The following PRRG4 variants were observed in gnomAD, a reference collection of about 807,000 sequenced individuals.
PRRG4 encodes the protein transmembrane gamma-carboxyglutamic acid protein 4.
A neutral mutation model predicts 20.0 loss-of-function variants in PRRG4; 12 were observed. The ratio of observed to expected loss-of-function variants is 0.60; its 90% CI spans 0.38 to 0.97. The LOEUF (loss-of-function observed/expected upper bound fraction) is 0.97, where lower values mean the gene tolerates loss of function less well. Among genes scored for constraint, PRRG4 ranks in the 50% least tolerant of loss-of-function variants. The pLI is 0.00. For synonymous variants in PRRG4, 94 were observed against 96.4 expected (o/e 0.98, Z 0.15); for missense variants, 199 against 265.1 (o/e 0.75, Z 1.73).
At chr11:32,849,541 G>A (rs757489673) in intron 5 of PRRG4, among the ~76,000 whole-genome samples, 2 of 152,054 alleles carry the variant, frequency 1.3e-5, no homozygotes, top group Non-Finnish European at 2.9e-5. Context: ...GTGCGCGCCT[G>A]TAATCCCAGC....
At chr11:32,841,171 G>A (rs1238445012) in intron 5 of PRRG4, among the ~76,000 whole-genome samples, 3 of 151,662 alleles carry the variant, frequency 2.0e-5, no homozygotes, top group East Asian at 1.9e-4. Flanking sequence ...TCAAGGTGGC[G>A]ATCATGTTAC....
rs182969342 is a variant in PRRG4 at position 32,843,784 on chromosome 11, G to A, written c.449+3545G>A. On this transcript the variant is annotated intron_variant, in intron 5 of 5. Coordinates refer to ENST00000257836, the MANE Select transcript of PRRG4 (RefSeq NM_024081.6). ...AAGTTCTGTGCCCAGTGAACAAACT[G>A]TTTCCCATTCTCCCCTCTCCCTAGG... is the stretch of plus-strand genomic sequence containing the variant. 2.0e-5 allele frequency among the ~76,000 whole-genome samples: 3 copies of A among 149,814 alleles called. 1 individual carries two copies. In the East Asian group the frequency reaches 5.9e-4, roughly 30 times the overall value.
intron 2 of PRRG4, among the ~76,000 whole-genome samples, chr11:32,833,142 C>T (rs945162896): frequency 1.3e-5 from 2 of 152,114 alleles, no homozygotes; most frequent in South Asian, 4.1e-4. Flanking sequence ...TCCTGAGATC[C>T]TAAGGGATGC....
intron 2 of PRRG4, 91 bp from the exon 3 acceptor site, chr11:32,836,567 C>G (rs1851021024): frequency 1.5e-6 from 1 of 679,222 alleles, no homozygotes; most frequent in Admixed American, 3.3e-5. Context: ...TTAGCCACAT[C>G]AAGAGAACTA....
rs1012609869 is a variant in PRRG4 at position 32,856,409 on chromosome 11, A to G, written c.*2882A>G. The stretch of plus-strand genomic sequence containing the variant: ...TCATGATACTTTAAATATAAAAAGG[A>G]AAATATGATAGAACTGTTATTGACA... On this transcript the variant is annotated 3_prime_UTR_variant, in exon 6 of 6. Transcript: ENST00000257836. 4.6e-5 allele frequency: 7 copies of G among 152,234 alleles called. No individual in the cohort carries two copies. The highest frequency in any genetic ancestry group is 1.7e-4 in the African/African-American group (7 of 41,470). 9.4% of individuals were successfully genotyped at this position (152,234 alleles called of 1,614,324 possible). A position where few individuals can be genotyped will look rare whatever the true frequency, so the allele number is the denominator to read the frequency against.
intron 5 of PRRG4, among the ~76,000 whole-genome samples, chr11:32,846,307 G>T (rs1323490374): frequency 1.3e-5 from 2 of 152,210 alleles, no homozygotes; most frequent in African/African-American, 2.4e-5. Flanking sequence ...ATGGGGCCAA[G>T]CCCTTGACCA....
intron 5 of PRRG4, among the ~76,000 whole-genome samples, chr11:32,850,145 G>A (rs902361526): frequency 3.3e-5 from 5 of 152,058 alleles, no homozygotes; most frequent in African/African-American, 4.8e-5. Context: ...AAAAGTTCAC[G>A]TATGTCCTCA....
chr11:32,830,714 C>A (rs144110119), intron 2 of PRRG4, 82 bp downstream of exon 2: 27 of 1,590,240 alleles, frequency 1.7e-5, no homozygotes, highest in Admixed American at 3.7e-5. Context: ...AATTACATAC[C>A]CCCAGCAATC....
Position 32,854,955 on chromosome 11 carries a change from TG to T in PRRG4, c.*1429del, listed in dbSNP as rs958315573. The T allele has an allele frequency of 6.6e-6, 1 of 152,228 alleles. No homozygotes were observed. The highest frequency in any genetic ancestry group is 2.4e-5 in the African/African-American group (1 of 41,470). The allele number at this position is 152,228 out of a possible 1,614,324, so 9.4% of individuals were successfully genotyped here. On this transcript the variant is annotated 3_prime_UTR_variant, in exon 6 of 6. Transcript: ENST00000257836. ...AACTTAATGAAGTTGCCCCTGTTAC[TG>T]ATTAGTAAATACTCCCATCTTCGTT...
chr11:32,856,422 A>C lies in PRRG4; in HGVS notation c.*2895A>C, dbSNP rs931379452. The C allele has an allele frequency of 1.3e-5, 2 of 152,218 alleles. No homozygotes were observed. The highest frequency in any genetic ancestry group is 2.9e-5 in the Non-Finnish European group (2 of 68,040). 9.4% of individuals were successfully genotyped at this position (152,218 alleles called of 1,614,324 possible). On this transcript the variant is annotated 3_prime_UTR_variant, in exon 6 of 6. Transcript: ENST00000257836. ...AATATAAAAAGGAAAATATGATAGA[A>C]CTGTTATTGACAAATGCTTATAATG...
At chr11:32,850,873 C>T (rs1259297853) in intron 5 of PRRG4, among the ~76,000 whole-genome samples, 2 of 152,102 alleles carry the variant, frequency 1.3e-5, no homozygotes, top group African/African-American at 2.4e-5. Context: ...AGTTCAAAAC[C>T]ACCCTGGCCA....
Position 32,837,541 on chromosome 11 carries a change from G to GATTATT in PRRG4, c.267+756_267+761dup, listed in dbSNP as rs35934196. On this transcript the variant is annotated intron_variant, in intron 3 of 5. Coordinates refer to ENST00000257836, the MANE Select transcript of PRRG4 (RefSeq NM_024081.6). ...TGATGATGATGATGATGATGATGAT[G>GATTATT]ATTATTATTATTATTATTATTATTA... is the stretch of plus-strand genomic sequence containing the variant. 8.3e-3 allele frequency among the ~76,000 whole-genome samples: 797 copies of GATTATT among 95,828 alleles called. 3 individuals carry two copies. The highest frequency in any genetic ancestry group is 0.035 in the East Asian group (113 of 3,274). 62.9% of individuals were successfully genotyped at this position (95,828 alleles called of 152,430 possible).
Position 32,843,112 on chromosome 11 carries a change from G to A in PRRG4, c.449+2873G>A, listed in dbSNP as rs147451404. Among the ~76,000 whole-genome samples, 144 of 152,106 alleles carry A rather than the reference G, an allele frequency of 9.5e-4. 2 individuals carry two copies. In the East Asian group the frequency reaches 0.021, roughly 22 times the overall value. ...TCTGCTTCGGCCTCCCAAAGTTTTC[G>A]GATTACAGGCATGAGCCACCGTGCC... On this transcript the variant is annotated intron_variant, in intron 5 of 5. Transcript: ENST00000257836.
intron 5 of PRRG4, among the ~76,000 whole-genome samples, chr11:32,850,920 A>G (rs1851177281): frequency 6.6e-6 from 1 of 152,118 alleles, no homozygotes; most frequent in African/African-American, 2.4e-5. Flanking sequence ...AAAAAATACA[A>G]AAATTAGCCG....
chr11:32,838,803 CT>C, intron 3 of PRRG4, 78 bp from the exon 4 acceptor site: 2 of 1,025,952 alleles, frequency 1.9e-6, no homozygotes, highest in African/African-American at 1.6e-5. Flanking sequence ...TTTACTACCC[CT>C]AGTCTAGGTC....
Position 32,853,382 on chromosome 11 carries a change from C to T in PRRG4, c.536C>T (p.Pro179Leu). The change falls in exon 6 of 6, where the codon CCT (proline) becomes CTT (leucine). Residue 179 changes from proline (P) to leucine (L), a missense_variant. Transcript: ENST00000257836. ...PEEAALSPLP[P>L]SVEDAGLPSY... ...GAGGCTGCCTTGTCTCCATTGCCGC[C>T]TTCTGTGGAGGATGCAGGATTACCT... is the stretch of plus-strand genomic sequence containing the variant. 2.5e-6 allele frequency: 4 copies of T among 1,614,072 alleles called. No individual in the cohort carries two copies. Among genetic ancestry groups the T allele is most frequent in the African/African-American group, 2.7e-5 (2 of 75,008 alleles).
intron 4 of PRRG4, among the ~76,000 whole-genome samples, chr11:32,839,573 T>A (rs1851055779): frequency 2.0e-5 from 3 of 150,696 alleles, no homozygotes; most frequent in African/African-American, 7.3e-5. Context: ...ATTTAATAAA[T>A]GGATATTTCA....
At chr11:32,836,279 A>G (rs1045761400) in intron 2 of PRRG4, among the ~76,000 whole-genome samples, 1 of 152,184 alleles carries the variant, frequency 6.6e-6, no homozygotes, top group African/African-American at 2.4e-5. Context: ...TCTCAGTTCA[A>G]TATGTTGTCC....
At position 32,830,505 on chromosome 11, in the gene PRRG4, TAG is replaced by T. The variant is rs762231694; in HGVS notation, c.-22-2_-22-1del. On this transcript the variant is annotated splice_acceptor_variant, in intron 1 of 5. Transcript: ENST00000257836. LOFTEE classifies it low-confidence loss of function (5UTR_SPLICE). ...TTTTAATATTTTTTTTTGTTTGTTT[TAG>T]TTTGTTTGACAGTTGCCAGACTATG... The T allele has an allele frequency of 6.6e-7, 1 of 1,518,802 alleles. No homozygotes were observed. 94.1% of individuals were successfully genotyped at this position (1,518,802 alleles called of 1,614,324 possible). A position where few individuals can be genotyped will look rare whatever the true frequency, so the allele number is the denominator to read the frequency against.
Sources: gnomAD v4.1 joint callset for allele counts (sites outside exome capture counted in the v4.1 genomes callset) on GRCh38, gnomAD v4.1.1 for gene constraint, MANE v1.5 for transcripts, NCBI Gene and HGNC (gene_info 2026-07-23, HGNC 2026-07-21) for gene names.